Variants in ADGRL1 observed in about 807,000 individuals in gnomAD.
ADGRL1 encodes the protein CIRL-1.
In ADGRL1, 31 loss-of-function variants were observed where a neutral mutation model predicts 148.9. That is an observed-to-expected ratio of 0.21 (90% CI 0.16 to 0.28). The LOEUF (loss-of-function observed/expected upper bound fraction) is 0.28. Among genes scored for constraint, ADGRL1 ranks in the 10% least tolerant of loss-of-function variants. The pLI is 1.00. For synonymous variants in ADGRL1, 937 were observed against 900.3 expected, an observed-to-expected ratio of 1.04 and a Z score of -0.73; for missense variants, 1,521 against 2,058.8, an observed-to-expected ratio of 0.74 and a Z score of 5.05.
intron 1 of ADGRL1, among the ~76,000 whole-genome samples, chr19:14,198,117 T>C (rs1348165199): frequency 6.6e-6 from 1 of 151,934 alleles, no homozygotes; most frequent in African/African-American, 2.4e-5. Flanking sequence ...TGTGCTGAGA[T>C]GTGGCTGGGG....
chr19:14,175,224 C>A (rs955522404), intron 3 of ADGRL1, among the ~76,000 whole-genome samples: 2 of 152,064 alleles, frequency 1.3e-5, no homozygotes, highest in East Asian at 3.9e-4. Context: ...GATTTGCACA[C>A]GTGGTGCCTC....
At chr19:14,154,283 C>T (rs1174543011) in intron 18 of ADGRL1, among the ~76,000 whole-genome samples, 1 of 152,170 alleles carries the variant, frequency 6.6e-6, no homozygotes, top group African/African-American at 2.4e-5. Context: ...CTCTGCCATC[C>T]CCTGCCTTAA....
Position 14,157,480 on chromosome 19 carries a change from G to A in ADGRL1, c.2536-20C>T. The A allele has an allele frequency of 6.2e-7, 1 of 1,611,426 alleles. No individual in the cohort carries two copies. Among genetic ancestry groups the A allele is most frequent in the East Asian group, 2.2e-5 (1 of 44,872 alleles). ...CTGGTACTGGGGACAGGAACAGGGGGCACGCTCAGGGCCTTTGGTTTTGCA... is the reference window on the plus strand; with the variant it reads ...CTGGTACTGGGGACAGGAACAGGGGACACGCTCAGGGCCTTTGGTTTTGCA... On this transcript the variant is annotated intron_variant, in intron 13 of 22. Transcript: ENST00000361434. The surrounding 1 kb of genome is among the most constrained non-coding windows in gnomAD (Gnocchi z 7.5).
At chr19:14,197,981 C>G (rs1972371069) in intron 1 of ADGRL1, among the ~76,000 whole-genome samples, 1 of 152,096 alleles carries the variant, frequency 6.6e-6, no homozygotes, top group Admixed American at 6.6e-5. Context: ...ACAGGGTGGC[C>G]AGGAAATGCC....
chr19:14,159,680 A>AT lies in ADGRL1; in HGVS notation c.1839+54dup. The AT allele has an allele frequency of 1.9e-6, 3 of 1,598,668 alleles. No individual in the cohort carries two copies. Among genetic ancestry groups the AT allele is most frequent in the African/African-American group, 1.3e-5 (1 of 74,594 alleles). ...GCCCTCTTCTCAACCTCCACCCCTA[A>AT]TCCCCCCATCAGCTGGAGCCCACGG... is the stretch of plus-strand genomic sequence containing the variant. On this transcript the variant is annotated intron_variant, in intron 9 of 22. Coordinates refer to ENST00000361434, the MANE Select transcript of ADGRL1 (RefSeq NM_014921.5). The surrounding 1 kb of genome is among the most constrained non-coding windows in gnomAD (Gnocchi z 6.0).
At position 14,161,448 on chromosome 19, in the gene ADGRL1, G is replaced by A. The variant is rs778012216; in HGVS notation, c.1374C>T (p.Ser458=). Residue 458 remains serine (S), a synonymous_variant, in exon 6 of 23, where the codon AGC becomes AGT. Transcript: ENST00000361434. This position sits in a 1 kb window ranked among gnomAD's most constrained non-coding sequence, Gnocchi z 4.4. The part of the protein sequence containing the change: ...DLPPATAPVP[S]TRRPPAPNLH... ...GATTCGGGGCTGGGGGCCGCCGGGT[G>A]CTGGGGACTGGGGCTGTGGCTGGAG... The A allele has an allele frequency of 9.6e-6, 14 of 1,464,722 alleles. No individual in the cohort carries two copies. The highest frequency in any genetic ancestry group is 2.6e-5 in the Admixed American group (1 of 38,790). The allele number at this position is 1,464,722 out of a possible 1,614,324, so 90.7% of individuals were successfully genotyped here.
chr19:14,182,217 C>T (rs1971247182), intron 2 of ADGRL1, among the ~76,000 whole-genome samples: 1 of 152,156 alleles, frequency 6.6e-6, no homozygotes, highest in Admixed American at 6.5e-5. Context: ...GTGCAGAGCG[C>T]AGTGAGATGA....
At chr19:14,153,873 T>A (rs1156773334) in intron 18 of ADGRL1, among the ~76,000 whole-genome samples, 1 of 148,826 alleles carries the variant, frequency 6.7e-6, no homozygotes, top group Non-Finnish European at 1.5e-5. Flanking sequence ...GCTGGGGGGG[T>A]GGAGGTTGCA....
In ADGRL1 at chr19:14,162,359, C is replaced by T. The variant is rs1047678891; in HGVS notation, c.1195+247G>A. On this transcript the variant is annotated intron_variant, in intron 5 of 22. Transcript: ENST00000361434. The surrounding 1 kb of genome is among the most constrained non-coding windows in gnomAD (Gnocchi z 5.4). ...ATCCTCAAATAACTTAATCCCCTAC[C>T]CACACAGAGCCTCAGTGTCATCTGT... 6.6e-6 allele frequency among the ~76,000 whole-genome samples: 1 copy of T among 152,190 alleles called. No homozygotes were observed. Among genetic ancestry groups the T allele is most frequent in the Non-Finnish European group, 1.5e-5 (1 of 68,034 alleles).
chr19:14,161,273 G>A lies in ADGRL1; in HGVS notation c.1510+39C>T. The A allele has an allele frequency of 2.0e-6, 3 of 1,492,842 alleles. No individual in the cohort carries two copies. The highest frequency in any genetic ancestry group is 2.7e-6 in the Non-Finnish European group (3 of 1,122,130). The allele number at this position is 1,492,842 out of a possible 1,614,324, so 92.5% of individuals were successfully genotyped here. A position where few individuals can be genotyped will look rare whatever the true frequency, so the allele number is the denominator to read the frequency against. ...ATCTGTGCTAAGCTGCTGGGGGCAT[G>A]GCCCCCATCCCTCCCCTGGCTGCAG... On this transcript the variant is annotated intron_variant, in intron 6 of 22. Transcript: ENST00000361434. This position sits in a 1 kb window ranked among gnomAD's most constrained non-coding sequence, Gnocchi z 4.4.
rs1283841603 is a variant in ADGRL1 at position 14,152,776 on chromosome 19, C to T, written c.3423+8G>A. ...CTCAGCCCCAGGGAGTCCTGTCTGG[C>T]CCGATACCTGGGTCCCTGTGTAGTA... On this transcript the variant is annotated splice_region_variant and intron_variant, in intron 19 of 22. Transcript: ENST00000361434. This position sits in a 1 kb window ranked among gnomAD's most constrained non-coding sequence, Gnocchi z 6.1. 2 of 1,613,656 alleles carry T rather than the reference C, an allele frequency of 1.2e-6. No individual in the cohort carries two copies. Among genetic ancestry groups the T allele is most frequent in the Admixed American group, 3.3e-5 (2 of 59,992 alleles).
At chr19:14,188,462 C>T (rs747250480) in intron 1 of ADGRL1, among the ~76,000 whole-genome samples, 2 of 152,156 alleles carry the variant, frequency 1.3e-5, no homozygotes, top group Non-Finnish European at 2.9e-5. Flanking sequence ...TATACTTCCA[C>T]CGGGAACTCC....
rs753855677 is a variant in ADGRL1, at chr19:14,162,675, G to C, written c.1126C>G (p.Leu376Val). The C allele has an allele frequency of 1.9e-6, 3 of 1,614,112 alleles. No homozygotes were observed. The African/African-American group carries it at 4.0e-5, about 22-fold the overall frequency. The change falls in exon 5 of 23, where the codon CTG becomes GTG. Residue 376 changes from leucine to valine, a missense_variant. By Grantham distance (32) the Leu-to-Val change is conservative. Coordinates refer to ENST00000361434, the MANE Select transcript of ADGRL1 (RefSeq NM_014921.5). The surrounding 1 kb of genome is among the most constrained non-coding windows in gnomAD (Gnocchi z 5.4). ...ACGAAATAGTTGTTCCAGACGTACA[G>C]CTGGTTGTCGCGAGGGTTGTAGTCA... ...SVDYNPRDNQ[L>V]YVWNNYFVVR...
chr19:14,168,837 G>GT (rs1204519636), intron 4 of ADGRL1: 1 of 152,270 alleles, frequency 6.6e-6, no homozygotes, highest in Non-Finnish European at 1.5e-5. Flanking sequence ...CGACTACCAA[G>GT]TGTCCAGCAC....
rs776313065 is a variant in ADGRL1, at chr19:14,151,514, C to T, written c.3769G>A (p.Gly1257Arg). The change falls in exon 23 of 23, where the codon GGG (glycine) becomes AGG (arginine). Residue 1257 changes from glycine to arginine, a missense_variant. By Grantham distance (125) the Gly-to-Arg change is moderately radical. Coordinates refer to ENST00000361434, the MANE Select transcript of ADGRL1 (RefSeq NM_014921.5). ...YSLRSGDFPP[G>R]DGGPEPPRGR... Reference sequence around the variant, plus strand: ...CGGGGCGGCTCAGGGCCCCCATCCCCGGGAGGGAAATCCCCACTTCGCAAG... The same window carrying T: ...CGGGGCGGCTCAGGGCCCCCATCCCTGGGAGGGAAATCCCCACTTCGCAAG... The T allele has an allele frequency of 1.6e-5, 26 of 1,610,652 alleles. No homozygotes were observed. Among genetic ancestry groups the T allele is most frequent in the South Asian group, 9.9e-5 (9 of 90,644 alleles).
chr19:14,194,880 C>CT (rs113568179), intron 1 of ADGRL1, among the ~76,000 whole-genome samples: 12,279 of 142,772 alleles, frequency 0.086, 775 homozygotes, highest in African/African-American at 0.18. Context: ...TCTTTCTTCT[C>CT]TTTTTTTTTT....
chr19:14,152,987 C>T lies in ADGRL1; in HGVS notation c.3295-75G>A. The T allele has an allele frequency of 2.6e-6, 4 of 1,556,598 alleles. No homozygotes were observed. The highest frequency in any genetic ancestry group is 2.6e-6 in the Non-Finnish European group (3 of 1,144,366). On this transcript the variant is annotated intron_variant, in intron 18 of 22. Transcript: ENST00000361434. This position sits in a 1 kb window ranked among gnomAD's most constrained non-coding sequence, Gnocchi z 6.1. ...ATCCAGTCTCCCACAGGGCTGGTCA[C>T]AAGACAGGCAGCCTTGGGAGGCCGG... is the stretch of plus-strand genomic sequence containing the variant.
Position 14,152,924 on chromosome 19 carries a change from A to C in ADGRL1, c.3295-12T>G, listed in dbSNP as rs1354244925. 1 of 1,613,014 alleles carries C rather than the reference A, an allele frequency of 6.2e-7. No individual in the cohort carries two copies. The highest frequency in any genetic ancestry group is 8.5e-7 in the Non-Finnish European group (1 of 1,179,640). On this transcript the variant is annotated splice_polypyrimidine_tract_variant and intron_variant, in intron 18 of 22. Transcript: ENST00000361434. This position sits in a 1 kb window ranked among gnomAD's most constrained non-coding sequence, Gnocchi z 6.1. ...TACTCCTTGTGCACCTGGGAGGTGGAGGACAGTCAGCTGGCTGGGACACTG... is the reference window on the plus strand; with the variant it reads ...TACTCCTTGTGCACCTGGGAGGTGGCGGACAGTCAGCTGGCTGGGACACTG...
At chr19:14,192,923 C>T (rs1972033970) in intron 1 of ADGRL1, among the ~76,000 whole-genome samples, 2 of 152,286 alleles carry the variant, frequency 1.3e-5, no homozygotes, top group Middle Eastern at 3.4e-3. Context: ...CGACTCCTGT[C>T]TCCTGGTTCC....
Sources: allele counts gnomAD v4.1 joint callset (sites outside exome capture counted in the v4.1 genomes callset), GRCh38; gene constraint gnomAD v4.1.1; non-coding constraint Gnocchi (gnomAD v3.1); transcripts MANE v1.5; gene names NCBI Gene and HGNC (gene_info 2026-07-23, HGNC 2026-07-21).